Variants in C17orf75 observed in about 807,000 individuals in gnomAD.
C17orf75 encodes protein Njmu-R1.
In C17orf75, 32 loss-of-function variants were observed where a neutral mutation model predicts 49.6. The ratio of observed to expected loss-of-function variants is 0.65; its 90% CI spans 0.49 to 0.87. The LOEUF is 0.87. C17orf75 is among the 40% of genes least tolerant of loss of function. The probability of loss-of-function intolerance (pLI) is 0.00; values close to 1 mark genes in which losing one functional copy is unlikely to be tolerated. For synonymous variants in C17orf75, 158 were observed against 159.5 expected (o/e 0.99, Z 0.07); for missense variants, 428 against 473.9 (o/e 0.90, Z 0.90).
intron 6 of C17orf75, 106 bp from the exon 7 acceptor site, chr17:32,334,945 T>C (rs774520638): frequency 6.9e-6 from 6 of 873,056 alleles, no homozygotes; most frequent in East Asian, 2.6e-5. Context: ...TGGACAACAA[T>C]TGATGGGCAC....
chr17:32,338,134 T>G, intron 4 of C17orf75, 74 bp downstream of exon 4: 1 of 1,574,802 alleles, frequency 6.3e-7, no homozygotes, highest in African/African-American at 1.4e-5. Context: ...TTTTTGGAGG[T>G]TGGTAGTAAT....
chr17:32,337,330 G>A (rs1326352034), intron 5 of C17orf75, among the ~76,000 whole-genome samples: 1 of 151,940 alleles, frequency 6.6e-6, no homozygotes, highest in Non-Finnish European at 1.5e-5. Flanking sequence ...AGGCGTGTTG[G>A]TATTTGCCTG....
chr17:32,347,561 G>T (rs2041434955), intron 1 of C17orf75, among the ~76,000 whole-genome samples: 1 of 151,942 alleles, frequency 6.6e-6, no homozygotes, highest in African/African-American at 2.4e-5. Context: ...GGATTACAGG[G>T]GTGAGCCACC....
chr17:32,341,067 G>T (rs557552096), intron 2 of C17orf75, 137 bp downstream of exon 2: 66 of 880,904 alleles, frequency 7.5e-5, no homozygotes, highest in Non-Finnish European at 1.1e-4. Flanking sequence ...TCAGGATGAG[G>T]TTCCTAGGGG....
chr17:32,346,642 G>A (rs377557082), upstream of C17orf75, among the ~76,000 whole-genome samples: 10 of 151,620 alleles, frequency 6.6e-5, no homozygotes, highest in East Asian at 1.4e-3. Context: ...GCACGATCTC[G>A]GCTCACTGCA....
upstream of C17orf75, among the ~76,000 whole-genome samples, chr17:32,344,991 A>G (rs886657754): frequency 6.6e-6 from 1 of 152,058 alleles, no homozygotes; most frequent in African/African-American, 2.4e-5. Flanking sequence ...TCTTATCTGG[A>G]TTTCTTCACA....
Position 32,335,975 on chromosome 17 carries a change from G to A in C17orf75, c.550-533C>T, listed in dbSNP as rs1035787555. On this transcript the variant is annotated intron_variant, in intron 5 of 9. Coordinates refer to ENST00000577809, the MANE Select transcript of C17orf75 (RefSeq NM_022344.4). The stretch of plus-strand genomic sequence containing the variant: ...CACTCCAGATGTCAGACATGCTACC[G>A]TGAGCACATCTGGCTTTCTAGGCTA... Among the ~76,000 whole-genome samples the A allele has an allele frequency of 3.9e-5, 6 of 152,194 alleles. No individual in the cohort carries two copies. The East Asian group carries it at 5.8e-4, about 15-fold the overall frequency.
chr17:32,343,907 C>T (rs76887848), upstream of C17orf75: 1 of 681,556 alleles, frequency 1.5e-6, no homozygotes, highest in South Asian at 1.5e-5. Context: ...GGTAGAAAAA[C>T]TCATAGTAGA....
chr17:32,340,973 A>G, intron 2 of C17orf75: 1 of 543,170 alleles, frequency 1.8e-6, no homozygotes, highest in Non-Finnish European at 3.3e-6. Flanking sequence ...AAAAAAAAGG[A>G]TTTCTTTTTG....
At chr17:32,343,895 A>G, upstream of C17orf75, 1 of 680,214 alleles carries the variant, frequency 1.5e-6, no homozygotes, top group Non-Finnish European at 2.7e-6. Flanking sequence ...AGTCATGAGG[A>G]TGGTAGAAAA....
At chr17:32,336,950 T>C (rs2041331485) in intron 5 of C17orf75, among the ~76,000 whole-genome samples, 3 of 151,808 alleles carry the variant, frequency 2.0e-5, no homozygotes. Flanking sequence ...GTTCAAGAGT[T>C]CAAGACAAGC....
In C17orf75 at chr17:32,328,626, C is replaced by G. The variant is rs1266025601; in HGVS notation, c.*3137G>C. The G allele has an allele frequency of 6.6e-6, 1 of 152,270 alleles. No homozygotes were observed. The highest frequency in any genetic ancestry group is 2.4e-5 in the African/African-American group (1 of 41,468). The allele number at this position is 152,270 out of a possible 1,614,324, so 9.4% of individuals were successfully genotyped here. On this transcript the variant is annotated 3_prime_UTR_variant, in exon 10 of 10. Transcript: ENST00000577809. ...TAAAAGCTGGCTGGGCACAGTGGCT[C>G]ACGCCTGTAATCCCGGCACTTTGGG...
chr17:32,332,386 C>A (rs1405500330), intron 9 of C17orf75, among the ~76,000 whole-genome samples: 3 of 152,204 alleles, frequency 2.0e-5, no homozygotes, highest in African/African-American at 7.2e-5. Context: ...AAGTGATCCA[C>A]CCGCCTCAGC....
At position 32,342,132 on chromosome 17, in the gene C17orf75, G is replaced by A. The variant is rs377043339; in HGVS notation, c.8C>T (p.Pro3Leu). The part of the protein sequence containing the change: ML[P>L]SLQESMDGDE... ...TCCATCCATCGACTCCTGCAAAGAGGGGAGCATTGCGGCGGCCTCTGAGCG... is the reference window on the plus strand; with the variant it reads ...TCCATCCATCGACTCCTGCAAAGAGAGGAGCATTGCGGCGGCCTCTGAGCG... The change falls in exon 1 of 10, where the codon CCC becomes CTC. Residue 3 changes from proline (P) to leucine (L), a missense_variant. By Grantham distance (98) the Pro-to-Leu change is moderately conservative. Transcript: ENST00000577809. 67 of 1,598,964 alleles carry A rather than the reference G, an allele frequency of 4.2e-5. No individual in the cohort carries two copies. Among genetic ancestry groups the A allele is most frequent in the East Asian group, 4.6e-5 (2 of 43,572 alleles).
rs76043553 is a variant in C17orf75 at position 32,335,277 on chromosome 17, A to G, written c.669+46T>C. On this transcript the variant is annotated intron_variant, in intron 6 of 9. Transcript: ENST00000577809. ...AAATGAGTATGTTTCTAAATCATCC[A>G]AAGTGATTCTCAGTTAAGGAAATGC... 6,251 of 1,603,638 alleles carry G rather than the reference A, an allele frequency of 3.9e-3. 250 individuals are homozygous for G. In the East Asian group the frequency reaches 0.098, roughly 25 times the overall value.
intron 8 of C17orf75, among the ~76,000 whole-genome samples, chr17:32,333,949 G>A (rs1222822031): frequency 3.3e-5 from 5 of 151,948 alleles, no homozygotes; most frequent in African/African-American, 9.7e-5. Flanking sequence ...TCCCACAGAC[G>A]TCTTTAAACT....
chr17:32,349,960 T>TACAAATG, exon 1 of C17orf75: 1 of 1,162,166 alleles, frequency 8.6e-7, no homozygotes, highest in Non-Finnish European at 1.1e-6. Flanking sequence ...CCGGCTCCTT[T>TACAAATG]ACAAATGAAA....
chr17:32,340,542 G>T (rs1456878804), intron 2 of C17orf75, among the ~76,000 whole-genome samples: 1 of 151,994 alleles, frequency 6.6e-6, no homozygotes, highest in Non-Finnish European at 1.5e-5. Context: ...CTACTCGGGA[G>T]GCTGAGGCAG....
exon 1 of C17orf75, chr17:32,349,987 A>G (rs1022979374): frequency 3.2e-6 from 4 of 1,268,452 alleles, no homozygotes; most frequent in Non-Finnish European, 4.0e-6. Context: ...GTGCTCCGCA[A>G]GCACAGCCAG....
Sources: gnomAD v4.1 joint callset for allele counts (sites outside exome capture counted in the v4.1 genomes callset) on GRCh38, gnomAD v4.1.1 for gene constraint, MANE v1.5 for transcripts, NCBI Gene and HGNC (gene_info 2026-07-23, HGNC 2026-07-21) for gene names.